Variants in THEMIS observed in about 807,000 individuals in gnomAD.
THEMIS encodes thymocyte selection associated, also known as protein THEMIS.
A neutral mutation model predicts 52.6 loss-of-function variants in THEMIS; 37 were observed. The ratio of observed to expected loss-of-function variants is 0.70; its 90% CI spans 0.54 to 0.93. THEMIS has a LOEUF of 0.93. Ranked by LOEUF, THEMIS falls within the 40% of genes least tolerant of loss-of-function variation. The pLI is 0.00. For synonymous variants in THEMIS, 292 were observed against 272.7 expected, an observed-to-expected ratio of 1.07 and a Z score of -0.70; for missense variants, 808 against 763.1, an observed-to-expected ratio of 1.06 and a Z score of -0.69.
chr6:127,730,996 T>C (rs905798222), intron 4 of THEMIS, among the ~76,000 whole-genome samples: 1 of 152,224 alleles, frequency 6.6e-6, no homozygotes, highest in Non-Finnish European at 1.5e-5. Flanking sequence ...AACAATGCCA[T>C]AGTCATTCCC....
chr6:127,728,757 T>C (rs1487584995), intron 4 of THEMIS, among the ~76,000 whole-genome samples: 1 of 151,718 alleles, frequency 6.6e-6, no homozygotes, highest in Non-Finnish European at 1.5e-5. Context: ...GAAGAACCAA[T>C]AACAAATACA....
chr6:127,739,063 TTCTGTGCTTGTG>T (rs963686906), intron 4 of THEMIS, among the ~76,000 whole-genome samples: 1 of 152,192 alleles, frequency 6.6e-6, no homozygotes, highest in African/African-American at 2.4e-5. Flanking sequence ...ACATTGACTT[TTCTGTGCTTGTG>T]TGCATCTAAA....
chr6:127,904,620 A>G (rs1055155643), upstream of THEMIS, among the ~76,000 whole-genome samples: 1 of 152,088 alleles, frequency 6.6e-6, no homozygotes, highest in African/African-American at 2.4e-5. Flanking sequence ...ATAATTAAGT[A>G]TGAAATGAAT....
chr6:127,913,632 T>G (rs1164553632), intron 1 of THEMIS, among the ~76,000 whole-genome samples: 2 of 152,228 alleles, frequency 1.3e-5, no homozygotes, highest in Non-Finnish European at 2.9e-5. Flanking sequence ...GTTAGAGTGT[T>G]TGTCTCACTG....
chr6:127,767,658 T>C (rs6931807), intron 4 of THEMIS, among the ~76,000 whole-genome samples: 1,709 of 152,252 alleles, frequency 0.011, 42 homozygotes, highest in African/African-American at 0.039. Flanking sequence ...TGAGATTGTT[T>C]TACAGTAAAC....
At chr6:127,793,774 G>T (rs1777237474) in intron 4 of THEMIS, among the ~76,000 whole-genome samples, 1 of 152,158 alleles carries the variant, frequency 6.6e-6, no homozygotes. Context: ...CAGATTGATA[G>T]AATATTTAAC....
intron 4 of THEMIS, among the ~76,000 whole-genome samples, chr6:127,809,509 G>A (rs1183355353): frequency 1.3e-5 from 2 of 152,096 alleles, no homozygotes; most frequent in Non-Finnish European, 2.9e-5. Flanking sequence ...GTGAATTGTA[G>A]CATCCTCTGA....
At chr6:127,735,064 T>C (rs538289165) in intron 4 of THEMIS, among the ~76,000 whole-genome samples, 5 of 151,038 alleles carry the variant, frequency 3.3e-5, no homozygotes, top group African/African-American at 4.9e-5. Context: ...TGAAGATCAT[T>C]ACTAGATTAG....
chr6:127,915,901 C>T (rs528996296), intron 1 of THEMIS, among the ~76,000 whole-genome samples: 32 of 152,202 alleles, frequency 2.1e-4, no homozygotes, highest in Admixed American at 1.4e-3. Flanking sequence ...GCAGGAGAAT[C>T]GTTTGAACTC....
chr6:127,719,638 G>A (rs200794050), intron 5 of THEMIS, 50 bp downstream of exon 5: 6 of 1,494,600 alleles, frequency 4.0e-6, no homozygotes, highest in Non-Finnish European at 5.4e-6. Context: ...CCTTTGTCAT[G>A]TGGACAGTTA....
intron 1 of THEMIS, among the ~76,000 whole-genome samples, chr6:127,914,371 C>T (rs75474032): frequency 0.015 from 2,211 of 152,148 alleles, 45 homozygotes; most frequent in African/African-American, 0.049. Flanking sequence ...TCCTAAGGGA[C>T]GATTTCATTA....
At chr6:127,816,408 C>A (rs1778137587) in intron 3 of THEMIS, among the ~76,000 whole-genome samples, 1 of 152,190 alleles carries the variant, frequency 6.6e-6, no homozygotes, top group Admixed American at 6.5e-5. Flanking sequence ...CAGATCTCCA[C>A]TTGGACATCT....
chr6:127,837,708 A>T (rs1393973601), intron 2 of THEMIS, among the ~76,000 whole-genome samples: 1 of 152,026 alleles, frequency 6.6e-6, no homozygotes, highest in Non-Finnish European at 1.5e-5. Flanking sequence ...CTGGACTGAA[A>T]CAGCTGCTTT....
intron 1 of THEMIS, among the ~76,000 whole-genome samples, chr6:127,872,040 G>C (rs1170751478): frequency 6.6e-6 from 1 of 151,936 alleles, no homozygotes; most frequent in Non-Finnish European, 1.5e-5. Flanking sequence ...CATTAATATA[G>C]ACAAAAATCC....
Position 127,900,827 on chromosome 6 carries a change from TTG to T in THEMIS, c.91+13_91+14del, listed in dbSNP as rs1244563894. On this transcript the variant is annotated intron_variant, in intron 1 of 5. Coordinates refer to ENST00000368248, the MANE Select transcript of THEMIS (RefSeq NM_001010923.3). Reference sequence around the variant, plus strand: ...AAGAATGTTCTAGCCAGTAAAGGTATTGGAGAGTGCTTACCTTCAAGATAGAT... The same window carrying T: ...AAGAATGTTCTAGCCAGTAAAGGTATGAGAGTGCTTACCTTCAAGATAGAT... The T allele has an allele frequency of 6.2e-7, 1 of 1,604,622 alleles. No homozygotes were observed. Among genetic ancestry groups the T allele is most frequent in the African/African-American group, 1.3e-5 (1 of 74,654 alleles).
intron 4 of THEMIS, among the ~76,000 whole-genome samples, chr6:127,778,028 A>T (rs995732617): frequency 2.6e-5 from 4 of 152,178 alleles, no homozygotes; most frequent in African/African-American, 9.6e-5. Flanking sequence ...GTACAAATGC[A>T]GAAACACTAC....
intron 4 of THEMIS, among the ~76,000 whole-genome samples, chr6:127,784,053 G>A (rs912837274): frequency 4.6e-5 from 7 of 152,164 alleles, no homozygotes; most frequent in African/African-American, 1.7e-4. Flanking sequence ...ATACTATGCA[G>A]ACATACAAAA....
chr6:127,853,244 A>G (rs1489258545), intron 2 of THEMIS, among the ~76,000 whole-genome samples: 3 of 151,670 alleles, frequency 2.0e-5, no homozygotes, highest in Non-Finnish European at 3.0e-5. Context: ...TAAGGCACGA[A>G]AAACTATAGT....
chr6:127,732,367 T>A (rs1003418817), intron 4 of THEMIS, among the ~76,000 whole-genome samples: 2 of 152,246 alleles, frequency 1.3e-5, no homozygotes, highest in East Asian at 3.9e-4. Flanking sequence ...TAAAAATGGT[T>A]CTCTTTTGCT....
Sources: allele counts gnomAD v4.1 joint callset (sites outside exome capture counted in the v4.1 genomes callset), GRCh38; gene constraint gnomAD v4.1.1; transcripts MANE v1.5; gene names NCBI Gene and HGNC (gene_info 2026-07-23, HGNC 2026-07-21).